Variants in CHFR observed in about 807,000 individuals in gnomAD.
CHFR encodes E3 ubiquitin-protein ligase CHFR.
A neutral mutation model predicts 87.6 loss-of-function variants in CHFR; 57 were observed. The observed-to-expected ratio is 0.65, with a 90% CI of 0.53 to 0.81. The LOEUF (loss-of-function observed/expected upper bound fraction) is 0.81. Among genes scored for constraint, CHFR ranks in the 30% least tolerant of loss-of-function variants. CHFR has a pLI of 0.00. For missense variants in CHFR, 797 were observed against 865.8 expected, an observed-to-expected ratio of 0.92 and a Z score of 1.00; for synonymous variants, 381 against 359.2, an observed-to-expected ratio of 1.06 and a Z score of -0.69.
intron 15 of CHFR, among the ~76,000 whole-genome samples, chr12:132,845,139 G>T (rs1285520634): frequency 6.6e-6 from 1 of 152,052 alleles, no homozygotes; most frequent in African/African-American, 2.4e-5. Flanking sequence ...CAACACAAAT[G>T]AAAATGTGCT....
chr12:132,850,661 T>C (rs962922797), intron 12 of CHFR, among the ~76,000 whole-genome samples: 1 of 152,152 alleles, frequency 6.6e-6, no homozygotes, highest in South Asian at 2.1e-4. Context: ...ACCTGTTTGG[T>C]TTCCTGAGTG....
chr12:132,851,672 T>C lies in CHFR; in HGVS notation c.1438A>G (p.Met480Val). The change falls in exon 12 of 18, where the codon ATG becomes GTG. Residue 480 changes from methionine to valine, a missense_variant. Physicochemically the swap from Met to Val is conservative, Grantham distance 21. Coordinates refer to ENST00000450056, the MANE Select transcript of CHFR (RefSeq NM_001161346.2). ...HALCTCCFQP[M>V]PDRRAEREQD... Reference sequence around the variant, plus strand: ...TCGCGCTCCGCTCTCCGGTCGGGCATGGGCTGGAAGCAGCAGGTGCACAGG... The same window carrying C: ...TCGCGCTCCGCTCTCCGGTCGGGCACGGGCTGGAAGCAGCAGGTGCACAGG... 4 of 1,613,380 alleles carry C rather than the reference T, an allele frequency of 2.5e-6. No homozygotes were observed. The highest frequency in any genetic ancestry group is 3.4e-6 in the Non-Finnish European group (4 of 1,179,958).
chr12:132,861,758 G>C, intron 6 of CHFR, 124 bp from the exon 7 acceptor site: 1 of 822,574 alleles, frequency 1.2e-6, no homozygotes, highest in Non-Finnish European at 1.9e-6. Context: ...GTTTAGGAAT[G>C]ACAAGTGGCT....
chr12:132,870,531 C>G (rs1365304199), intron 5 of CHFR, among the ~76,000 whole-genome samples, 193 bp downstream of exon 5: 1 of 91,094 alleles, frequency 1.1e-5, no homozygotes, highest in African/African-American at 4.7e-5. Context: ...AACTCCGTCT[C>G]AAAAAAAAAA....
At position 132,836,541 on chromosome 12, in the gene CHFR, C is replaced by A. The variant is rs1403391406; in HGVS notation, c.*5013G>T. 1 of 385,866 alleles carries A rather than the reference C, an allele frequency of 2.6e-6. No homozygotes were observed. The highest frequency in any genetic ancestry group is 5.0e-6 in the Non-Finnish European group (1 of 199,776). 23.9% of individuals were successfully genotyped at this position (385,866 alleles called of 1,614,324 possible). The stretch of plus-strand genomic sequence containing the variant: ...CACTCACAGTGACAGGCTCCCAGCA[C>A]GGCGCACGGCACTCACAGTGACAGG... On this transcript the variant is annotated 3_prime_UTR_variant, in exon 18 of 18. Coordinates refer to ENST00000450056, the MANE Select transcript of CHFR (RefSeq NM_001161346.2).
rs780919643 is a variant in CHFR, at chr12:132,887,324, T to G, written c.5A>C (p.Glu2Ala). 3 of 1,466,786 alleles carry G rather than the reference T, an allele frequency of 2.0e-6. No homozygotes were observed. The Admixed American group carries it at 7.4e-5, about 36-fold the overall frequency. 90.9% of individuals were successfully genotyped at this position (1,466,786 alleles called of 1,614,324 possible). A position where few individuals can be genotyped will look rare whatever the true frequency, so the allele number is the denominator to read the frequency against. The change falls in exon 2 of 18, where the codon GAG becomes GCG. Residue 2 changes from glutamate (E) to alanine (A), a missense_variant. Transcript: ENST00000450056. ...CGACTGCTTGCCTTCCTCGGGCCGC[T>G]CCATCGGGATTCACATCTGCGGAGA... M[E>A]RPEEGKQSPP...
At chr12:132,879,797 T>C (rs576655379) in intron 2 of CHFR, among the ~76,000 whole-genome samples, 5 of 152,150 alleles carry the variant, frequency 3.3e-5, no homozygotes, top group Non-Finnish European at 5.9e-5. Context: ...CCTATAATAA[T>C]CTATAAGGAT....
chr12:132,869,476 A>C, intron 6 of CHFR, 143 bp downstream of exon 6: 1 of 691,068 alleles, frequency 1.4e-6, no homozygotes, highest in Non-Finnish European at 2.4e-6. Flanking sequence ...CAACACACTC[A>C]ATATTGACTC....
rs2136931307 is a variant in CHFR, at chr12:132,847,796, TG to T, written c.1647+288del. On this transcript the variant is annotated intron_variant, in intron 14 of 17. Transcript: ENST00000450056. ...TTCAAGAAGCCCTCACCGAGAGCTG[TG>T]GGAACAAGAGCTGCCGGGAACAAGA... 3.2e-6 allele frequency: 4 copies of T among 1,253,026 alleles called. No individual in the cohort carries two copies. The South Asian group carries it at 7.8e-5, about 24-fold the overall frequency. 77.6% of individuals were successfully genotyped at this position (1,253,026 alleles called of 1,614,324 possible).
intron 11 of CHFR, 125 bp downstream of exon 11, chr12:132,853,306 G>A (rs1287662476): frequency 5.7e-6 from 6 of 1,057,358 alleles, no homozygotes; most frequent in East Asian, 6.4e-5. Flanking sequence ...AATGAGGCCA[G>A]GGCCCAAAGG....
In CHFR at chr12:132,835,608, G is replaced by C. The variant is rs1187722441; in HGVS notation, c.*5946C>G. On this transcript the variant is annotated 3_prime_UTR_variant, in exon 18 of 18. Coordinates refer to ENST00000450056, the MANE Select transcript of CHFR (RefSeq NM_001161346.2). ...GAGAACTCAAGGAGATGCTGCCCAC[G>C]AGCCAAGGAGACAGACCAAAGAGGA... 5.6e-6 allele frequency: 1 copy of C among 178,820 alleles called. No individual in the cohort carries two copies. Among genetic ancestry groups the C allele is most frequent in the Non-Finnish European group, 1.2e-5 (1 of 83,462 alleles). 11.1% of individuals were successfully genotyped at this position (178,820 alleles called of 1,614,324 possible).
intron 3 of CHFR, among the ~76,000 whole-genome samples, chr12:132,872,985 C>A (rs1951526084): frequency 6.6e-6 from 1 of 152,178 alleles, no homozygotes; most frequent in Non-Finnish European, 1.5e-5. Flanking sequence ...CAGGAGGAGG[C>A]TAAGTTGATG....
At position 132,887,564 on chromosome 12, in the gene CHFR, C is replaced by G. The variant is rs1401227842; in HGVS notation, c.-30G>C. 6.3e-6 allele frequency: 1 copy of G among 158,228 alleles called. No individual in the cohort carries two copies. The highest frequency in any genetic ancestry group is 1.4e-5 in the Non-Finnish European group (1 of 73,204). The allele number at this position is 158,228 out of a possible 1,614,324, so 9.8% of individuals were successfully genotyped here. On this transcript the variant is annotated 5_prime_UTR_variant, in exon 1 of 18. Transcript: ENST00000450056. ...GCGCTTACCCCCGCCCCGCGCCGAA[C>G]CCGGAACCGGCTGCGCCGCCGCCGC...
chr12:132,848,600 G>T, intron 13 of CHFR, 41 bp downstream of exon 13: 2 of 1,473,522 alleles, frequency 1.4e-6, no homozygotes, highest in Non-Finnish European at 1.9e-6. Flanking sequence ...AAGAGAACAT[G>T]CAAAGGTCAA....
intron 10 of CHFR, among the ~76,000 whole-genome samples, chr12:132,855,955 A>G (rs1951059483): frequency 6.6e-6 from 1 of 152,190 alleles, no homozygotes; most frequent in Non-Finnish European, 1.5e-5. Flanking sequence ...CAGCAGATAA[A>G]TAAGGTCTCT....
At chr12:132,882,045 A>G (rs1398127958) in intron 2 of CHFR, among the ~76,000 whole-genome samples, 2 of 152,294 alleles carry the variant, frequency 1.3e-5, no homozygotes, top group East Asian at 3.9e-4. Flanking sequence ...AATTCCATTC[A>G]TAGTTACTTA....
chr12:132,842,647 C>T (rs1193279119), intron 17 of CHFR, among the ~76,000 whole-genome samples: 1 of 152,266 alleles, frequency 6.6e-6, no homozygotes, highest in Non-Finnish European at 1.5e-5. Context: ...ACAGCAATCA[C>T]AAATGCCTGC....
rs1950945140 is a variant in CHFR at position 132,851,561 on chromosome 12, C to A, written c.1492+57G>T. ...CCCTAAGGCCAACACCGCTTTGAAA[C>A]CTGACCCCTGAAGGACAGATAGGAA... is the stretch of plus-strand genomic sequence containing the variant. On this transcript the variant is annotated intron_variant, in intron 12 of 17. Transcript: ENST00000450056. 7 of 1,529,672 alleles carry A rather than the reference C, an allele frequency of 4.6e-6. No homozygotes were observed. The Admixed American group carries it at 1.3e-4, about 29-fold the overall frequency. 94.8% of individuals were successfully genotyped at this position (1,529,672 alleles called of 1,614,324 possible).
chr12:132,848,517 G>T, intron 13 of CHFR, 124 bp downstream of exon 13: 2 of 755,632 alleles, frequency 2.6e-6, no homozygotes, highest in Non-Finnish European at 2.2e-6. Flanking sequence ...GGTATCATTT[G>T]ATGACCAACA....
Sources: allele counts gnomAD v4.1 joint callset (sites outside exome capture counted in the v4.1 genomes callset), GRCh38; gene constraint gnomAD v4.1.1; transcripts MANE v1.5; gene names NCBI Gene and HGNC (gene_info 2026-07-23, HGNC 2026-07-21).